TENM1: variants seen among roughly 807,000 people sequenced by gnomAD.
TENM1 encodes the protein teneurin-1.
Under a neutral mutation model 174.8 loss-of-function variants are expected in TENM1, and 35 were observed. That is an observed-to-expected ratio of 0.20 (90% CI 0.15 to 0.27). TENM1 has a LOEUF of 0.27. TENM1 is among the 10% of genes least tolerant of loss of function. The probability of loss-of-function intolerance (pLI) is 1.00; values close to 1 mark genes in which losing one functional copy is unlikely to be tolerated. For synonymous variants in TENM1, 781 were observed against 798.7 expected (o/e 0.98, Z 0.37); for missense variants, 1,633 against 2,130.1 (o/e 0.77, Z 4.59).
intron 22 of TENM1, among the ~76,000 whole-genome samples, chrX:124,478,594 A>C (rs2046782891): frequency 8.9e-6 from 1 of 112,373 alleles, no homozygotes; most frequent in African/African-American, 3.2e-5. Flanking sequence ...CCTTCCTATA[A>C]TTGCAATATG....
chrX:124,529,750 T>G lies in TENM1; in HGVS notation c.2771+114A>C, dbSNP rs1383566664. 8 of 979,680 alleles carry G rather than the reference T, an allele frequency of 8.2e-6. No homozygotes were observed. The Admixed American group carries it at 1.7e-4, about 21-fold the overall frequency. The allele number at this position is 979,680 out of a possible 1,213,427, so 80.7% of individuals were successfully genotyped here. Reference sequence around the variant, plus strand: ...AAATATCACCAATGACTTTTTGAGATATAACTTGAAGAAAGATGGGTTTAC... The same window carrying G: ...AAATATCACCAATGACTTTTTGAGAGATAACTTGAAGAAAGATGGGTTTAC... On this transcript the variant is annotated intron_variant, in intron 16 of 31. Transcript: ENST00000422452.
At chrX:125,104,844 C>T in the TENM1 span, among the ~76,000 whole-genome samples, 4 of 112,003 alleles carry the variant, frequency 3.6e-5, no homozygotes, top group South Asian at 7.4e-4. Flanking sequence ...TTAATAACTT[C>T]GTTCTACAAT....
chrX:124,844,757 G>A (rs755996682), intron 3 of TENM1, among the ~76,000 whole-genome samples: 1 of 111,746 alleles, frequency 8.9e-6, no homozygotes, highest in Admixed American at 9.5e-5. Flanking sequence ...ACTGTCAACT[G>A]GTGTTGTATT....
chrX:124,454,142 T>C (rs1349230438), intron 22 of TENM1, among the ~76,000 whole-genome samples: 1 of 111,809 alleles, frequency 8.9e-6, no homozygotes, highest in Non-Finnish European at 1.9e-5. Flanking sequence ...TCTTAAAATT[T>C]TTATTATAAT....
At chrX:124,988,204 G>T in the TENM1 span, among the ~76,000 whole-genome samples, 1 of 111,491 alleles carries the variant, frequency 9.0e-6, no homozygotes, top group African/African-American at 3.3e-5. Flanking sequence ...ATTCAGGCTT[G>T]ACCAATTTCT....
exon 32 of TENM1, chrX:124,375,976 GTTTAAC>G (rs1227532443): frequency 3.6e-5 from 4 of 112,635 alleles, no homozygotes; most frequent in African/African-American, 9.7e-5. Flanking sequence ...AACACATAAT[GTTTAAC>G]TTTAAATATT....
chrX:125,054,525 A>G, the TENM1 span, among the ~76,000 whole-genome samples: 2 of 110,936 alleles, frequency 1.8e-5, no homozygotes, highest in Non-Finnish European at 3.8e-5. Context: ...CCAGAAGTGC[A>G]GTCAGTTTAA....
At chrX:124,493,832 C>T (rs1465952463) in intron 20 of TENM1, among the ~76,000 whole-genome samples, 1 of 111,288 alleles carries the variant, frequency 9.0e-6, no homozygotes, top group African/African-American at 3.3e-5. Flanking sequence ...GAATTAGTAC[C>T]TCTCTAGACT....
At chrX:124,908,861 AT>A (rs779878309) in intron 1 of TENM1, among the ~76,000 whole-genome samples, 258 of 99,364 alleles carry the variant, frequency 2.6e-3, no homozygotes, top group African/African-American at 2.6e-3. Flanking sequence ...TATTATTCCA[AT>A]TTTTTTTTTT....
At chrX:124,527,779 G>T (rs1223535683) in intron 16 of TENM1, among the ~76,000 whole-genome samples, 1 of 103,747 alleles carries the variant, frequency 9.6e-6, no homozygotes, top group Non-Finnish European at 2.0e-5. Flanking sequence ...CACCCGAGTA[G>T]CTGGGACTAC....
intron 1 of TENM1, among the ~76,000 whole-genome samples, chrX:124,908,210 T>C (rs2057779286): frequency 8.9e-6 from 1 of 111,840 alleles, no homozygotes; most frequent in African/African-American, 3.3e-5. Context: ...AATGTGCAGG[T>C]TTGTTACATA....
rs150733874 is a variant in TENM1, at chrX:124,385,845, C to G, written c.5908G>C (p.Gly1970Arg). The stretch of plus-strand genomic sequence containing the variant: ...TTGTATAAGACTCTGCGCCCTGTCC[C>G]CAGATGCAGGGTCTGTAGCAATCGG... Residue 1970 changes from glycine (G) to arginine (R), a missense_variant, in exon 29 of 32, where the codon GGG (glycine) becomes CGG (arginine). Gly to Arg is a moderately radical substitution (Grantham distance 125, BLOSUM62 -2). Transcript: ENST00000422452. 3 of 1,209,603 alleles carry G rather than the reference C, an allele frequency of 2.5e-6. No individual in the cohort carries two copies. In the African/African-American group the frequency reaches 5.3e-5, roughly 21 times the overall value.
intron 25 of TENM1, among the ~76,000 whole-genome samples, chrX:124,411,325 T>C (rs767947551): frequency 8.9e-4 from 98 of 110,102 alleles, no homozygotes; most frequent in Non-Finnish European, 1.7e-3. Context: ...ATGTGTGTGT[T>C]TGTGTGTGTG....
intron 14 of TENM1, among the ~76,000 whole-genome samples, chrX:124,560,499 G>T (rs967486478): frequency 9.0e-6 from 1 of 111,083 alleles, no homozygotes; most frequent in African/African-American, 3.3e-5. Context: ...AAATCATGCA[G>T]CTAGTATAAG....
At chrX:124,454,708 C>T (rs2061085475) in intron 22 of TENM1, among the ~76,000 whole-genome samples, 1 of 111,550 alleles carries the variant, frequency 9.0e-6, no homozygotes, top group South Asian at 3.8e-4. Flanking sequence ...GGCCCTAGGT[C>T]GTTATATCAT....
At chrX:124,463,425 G>A (rs773963483) in intron 22 of TENM1, among the ~76,000 whole-genome samples, 8 of 111,636 alleles carry the variant, frequency 7.2e-5, no homozygotes, top group Non-Finnish European at 1.5e-4. Flanking sequence ...TTCTGACAGT[G>A]ACTTTTCTAA....
intron 16 of TENM1, among the ~76,000 whole-genome samples, chrX:124,525,146 A>T (rs962173647): frequency 3.6e-5 from 4 of 112,405 alleles, no homozygotes; most frequent in Non-Finnish European, 7.5e-5. Flanking sequence ...AATCTTGCAG[A>T]TAAAGATAAA....
chrX:124,636,702 G>A (rs2050886526), intron 11 of TENM1, among the ~76,000 whole-genome samples: 1 of 111,886 alleles, frequency 8.9e-6, no homozygotes, highest in South Asian at 3.7e-4. Flanking sequence ...CAGCAGACCT[G>A]GTTTCTTCTG....
the TENM1 span, among the ~76,000 whole-genome samples, chrX:125,055,861 T>C: frequency 8.9e-6 from 1 of 112,141 alleles, no homozygotes; most frequent in Non-Finnish European, 1.9e-5. Flanking sequence ...TCTAGAGCAC[T>C]GTTCTTCATT....
Sources: gnomAD v4.1 joint callset for allele counts (sites outside exome capture counted in the v4.1 genomes callset) on GRCh38, gnomAD v4.1.1 for gene constraint, MANE v1.5 for transcripts, NCBI Gene and HGNC (gene_info 2026-07-23, HGNC 2026-07-21) for gene names.